AIG1: variants seen among roughly 807,000 people sequenced by gnomAD.
The protein encoded by AIG1 is androgen-induced gene 1 protein.
AIG1 carries 23 observed loss-of-function variants against 31.4 expected under a neutral mutation model. The observed-to-expected ratio is 0.73, with a 90% CI of 0.53 to 1.04. The LOEUF is 1.04. Among genes scored for constraint, AIG1 ranks in the 50% least tolerant of loss-of-function variants. The pLI, the probability that AIG1 is intolerant of heterozygous loss-of-function variation, is 0.00. For synonymous variants in AIG1, 100 were observed against 110.5 expected (o/e 0.90, Z 0.60); for missense variants, 274 against 295.0 (o/e 0.93, Z 0.52).
In AIG1 at chr6:143,148,336, A is replaced by C. The variant is rs1300324448; in HGVS notation, c.297+11346A>C. Among the ~76,000 whole-genome samples the C allele has an allele frequency of 3.6e-5, 5 of 137,970 alleles. No individual in the cohort carries two copies. In the East Asian group the frequency reaches 8.5e-4, roughly 23 times the overall value. The allele number at this position is 137,970 out of a possible 152,430, so 90.5% of individuals were successfully genotyped here. A position where few individuals can be genotyped will look rare whatever the true frequency, so the allele number is the denominator to read the frequency against. On this transcript the variant is annotated intron_variant, in intron 2 of 5. Coordinates refer to ENST00000357847, the MANE Select transcript of AIG1 (RefSeq NM_016108.4). Reference sequence around the variant, plus strand: ...GGGAACATAGTGAGATCCCATCTCTACAAAAAAAAAAAAAAAAAAAAAATT... The same window carrying C: ...GGGAACATAGTGAGATCCCATCTCTCCAAAAAAAAAAAAAAAAAAAAAATT...
intron 3 of AIG1, among the ~76,000 whole-genome samples, chr6:143,234,543 A>G (rs1301842613): frequency 1.3e-5 from 2 of 152,230 alleles, no homozygotes; most frequent in African/African-American, 4.8e-5. Context: ...AGAGCTGACT[A>G]GGAATTGTCT....
At chr6:143,146,801 A>G (rs1358329455) in intron 2 of AIG1, among the ~76,000 whole-genome samples, 1 of 152,210 alleles carries the variant, frequency 6.6e-6, no homozygotes, top group African/African-American at 2.4e-5. Flanking sequence ...TACTAACTTA[A>G]TCGTGCCCAT....
intron 4 of AIG1, among the ~76,000 whole-genome samples, chr6:143,313,591 T>C (rs1775485722): frequency 6.6e-6 from 1 of 151,914 alleles, no homozygotes; most frequent in Non-Finnish European, 1.5e-5. Context: ...TAAATGGGGA[T>C]GATTAAAGGG....
chr6:143,312,166 A>G (rs1158667718), intron 4 of AIG1, among the ~76,000 whole-genome samples: 2 of 152,240 alleles, frequency 1.3e-5, no homozygotes, highest in African/African-American at 4.8e-5. Context: ...TTCAATCCCT[A>G]TCAAAATACC....
chr6:143,196,360 C>T (rs1183534300), intron 3 of AIG1, among the ~76,000 whole-genome samples: 1 of 143,798 alleles, frequency 7.0e-6, no homozygotes, highest in East Asian at 2.0e-4. Flanking sequence ...AACACACACA[C>T]ACACACACAC....
chr6:143,272,050 C>A (rs1468318747), intron 3 of AIG1, among the ~76,000 whole-genome samples: 4 of 152,114 alleles, frequency 2.6e-5, no homozygotes, highest in African/African-American at 9.7e-5. Flanking sequence ...GGGTCACCTT[C>A]CCTTACGGTA....
chr6:143,278,437 T>G (rs1048622826), intron 3 of AIG1, among the ~76,000 whole-genome samples: 1 of 152,080 alleles, frequency 6.6e-6, no homozygotes. Flanking sequence ...GAGTCTCTCT[T>G]TCATGCCAGT....
At chr6:143,059,342 C>T (rs116228005), upstream of AIG1, among the ~76,000 whole-genome samples, 798 of 152,234 alleles carry the variant, frequency 5.2e-3, 10 homozygotes, top group African/African-American at 0.016. Flanking sequence ...CAAGGTCTGC[C>T]GCTTCATTCT....
chr6:143,308,060 A>T (rs1303710660), intron 4 of AIG1, among the ~76,000 whole-genome samples: 1 of 152,178 alleles, frequency 6.6e-6, no homozygotes, highest in East Asian at 1.9e-4. Context: ...CCCATCGGAG[A>T]AGCGCAGTAT....
At chr6:143,228,873 T>C (rs1026137300) in intron 3 of AIG1, among the ~76,000 whole-genome samples, 3 of 152,230 alleles carry the variant, frequency 2.0e-5, no homozygotes, top group African/African-American at 7.2e-5. Flanking sequence ...TCACTTTAAA[T>C]TTAAGAGTTC....
chr6:143,304,834 C>G (rs1413259178), intron 4 of AIG1, among the ~76,000 whole-genome samples: 1 of 152,072 alleles, frequency 6.6e-6, no homozygotes, highest in Admixed American at 6.6e-5. Context: ...TGGTAGAATT[C>G]GGCTGTGAAT....
chr6:143,177,992 G>C (rs1486893025), intron 3 of AIG1, among the ~76,000 whole-genome samples: 1 of 152,212 alleles, frequency 6.6e-6, no homozygotes, highest in East Asian at 1.9e-4. Context: ...GGCCTGGTCA[G>C]GCGGATCCAC....
chr6:143,187,838 A>G lies in AIG1; in HGVS notation c.399+22655A>G, dbSNP rs940473204. The stretch of plus-strand genomic sequence containing the variant: ...GAAATACGGGCCTTCAAGAAGTGCC[A>G]TTTCTCAAGCGATGTACAGAAGGGT... On this transcript the variant is annotated intron_variant, in intron 3 of 5. Transcript: ENST00000357847. 8 of 1,459,848 alleles carry G rather than the reference A, an allele frequency of 5.5e-6. No individual in the cohort carries two copies. In the African/African-American group the frequency reaches 5.7e-5, roughly 10 times the overall value. 90.4% of individuals were successfully genotyped at this position (1,459,848 alleles called of 1,614,324 possible). A position where few individuals can be genotyped will look rare whatever the true frequency, so the allele number is the denominator to read the frequency against.
chr6:143,147,805 C>T (rs1011279823), intron 2 of AIG1, among the ~76,000 whole-genome samples: 2 of 152,102 alleles, frequency 1.3e-5, no homozygotes, highest in African/African-American at 4.8e-5. Context: ...CACCGTAGCC[C>T]TTCCCAAGGT....
chr6:143,295,394 C>G (rs1359468450), intron 4 of AIG1, among the ~76,000 whole-genome samples: 1 of 152,178 alleles, frequency 6.6e-6, no homozygotes, highest in East Asian at 1.9e-4. Context: ...CATTGCTCCT[C>G]AAGATAAGAA....
intron 1 of AIG1, among the ~76,000 whole-genome samples, chr6:143,080,366 T>C (rs1419696230): frequency 1.3e-5 from 2 of 152,162 alleles, no homozygotes; most frequent in African/African-American, 4.8e-5. Flanking sequence ...ATTTGTAGTT[T>C]TACAGCTTCG....
chr6:143,176,915 T>C (rs892884000), intron 3 of AIG1, among the ~76,000 whole-genome samples: 8 of 152,230 alleles, frequency 5.3e-5, no homozygotes, highest in African/African-American at 1.9e-4. Context: ...CAGTAGTTCT[T>C]GGAGCAAGTT....
Position 143,325,961 on chromosome 6 carries a change from C to G in AIG1, c.516-7321C>G, listed in dbSNP as rs764604961. On this transcript the variant is annotated intron_variant, in intron 4 of 5. Coordinates refer to ENST00000357847, the MANE Select transcript of AIG1 (RefSeq NM_016108.4). This position sits in a 1 kb window ranked among gnomAD's most constrained non-coding sequence, Gnocchi z 4.3. ...GGCTGAATTCAAGCTACTGACCAAC[C>G]AGCTTGCAAACCACCTAAAGATTTA... 2.0e-4 allele frequency among the ~76,000 whole-genome samples: 30 copies of G among 152,176 alleles called. No individual in the cohort carries two copies. The highest frequency in any genetic ancestry group is 7.2e-5 in the African/African-American group (3 of 41,448).
intron 4 of AIG1, among the ~76,000 whole-genome samples, chr6:143,318,918 C>T (rs1775978704): frequency 6.6e-6 from 1 of 151,930 alleles, no homozygotes; most frequent in Non-Finnish European, 1.5e-5. Context: ...AAATCAAAAC[C>T]AAATGTGATA....
Sources: gnomAD v4.1 joint callset for allele counts (sites outside exome capture counted in the v4.1 genomes callset) on GRCh38, gnomAD v4.1.1 for gene constraint, Gnocchi (gnomAD v3.1) non-coding constraint, MANE v1.5 for transcripts, NCBI Gene and HGNC (gene_info 2026-07-23, HGNC 2026-07-21) for gene names.